GRAMD1B: variants seen among roughly 807,000 people sequenced by gnomAD.
The protein encoded by GRAMD1B is GRAM domain containing 1B, also known as protein Aster-B.
In GRAMD1B, 37 loss-of-function variants were observed where a neutral mutation model predicts 99.7. The observed-to-expected ratio is 0.37, with a 90% confidence interval of 0.29 to 0.49. GRAMD1B has a LOEUF of 0.49. GRAMD1B is among the 20% of genes least tolerant of loss of function. GRAMD1B has a pLI of 0.98. For missense variants in GRAMD1B, 888 were observed against 1,009.2 expected, an observed-to-expected ratio of 0.88 and a Z score of 1.63; for synonymous variants, 427 against 387.6, an observed-to-expected ratio of 1.10 and a Z score of -1.19.
chr11:123,575,709 C>A (rs973403076), intron 2 of GRAMD1B, among the ~76,000 whole-genome samples: 5 of 152,128 alleles, frequency 3.3e-5, no homozygotes, highest in African/African-American at 1.2e-4. Flanking sequence ...CCACCAGCCC[C>A]ACGGCCTGGC....
chr11:123,578,106 A>G (rs1452567561), intron 3 of GRAMD1B, among the ~76,000 whole-genome samples: 1 of 152,070 alleles, frequency 6.6e-6, no homozygotes, highest in African/African-American at 2.4e-5. Context: ...CCCCCTGAGT[A>G]CCGGGGCCCT....
In GRAMD1B at chr11:123,462,891, T is replaced by TAAAA. The variant is rs1022451957; in HGVS notation, c.375-17907_375-17904dup. Reference sequence around the variant, plus strand: ...AAGAATTATCAATAAAAAAATAAATTAAAAAAAAAAAAAAAAAAAAAGAAA... The same window carrying TAAAA: ...AAGAATTATCAATAAAAAAATAAATTAAAAAAAAAAAAAAAAAAAAAAAAAGAAA... On this transcript the variant is annotated intron_variant, in intron 1 of 19. Transcript: ENST00000635736. Among the ~76,000 whole-genome samples, 109 of 111,370 alleles carry TAAAA rather than the reference T, an allele frequency of 9.8e-4. 2 individuals carry two copies. Among genetic ancestry groups the TAAAA allele is most frequent in the South Asian group, 7.3e-3 (29 of 3,964 alleles). 73.1% of individuals were successfully genotyped at this position (111,370 alleles called of 152,430 possible).
At chr11:123,498,195 G>A (rs1939511586) in intron 2 of GRAMD1B, among the ~76,000 whole-genome samples, 1 of 152,058 alleles carries the variant, frequency 6.6e-6, no homozygotes, top group South Asian at 2.1e-4. Context: ...AACTGGACCT[G>A]GGGACCCCAA....
chr11:123,538,262 C>T (rs1321548347), intron 2 of GRAMD1B, among the ~76,000 whole-genome samples: 1 of 152,138 alleles, frequency 6.6e-6, no homozygotes. Context: ...GTGGTTCTGT[C>T]TTTGCAGTGT....
chr11:123,411,248 C>T (rs947608183), intron 1 of GRAMD1B, among the ~76,000 whole-genome samples: 24 of 152,042 alleles, frequency 1.6e-4, no homozygotes, highest in African/African-American at 5.8e-4. Context: ...TCGTGATCCG[C>T]CCCCCTCAGC....
At chr11:123,534,335 A>G (rs545116400) in intron 2 of GRAMD1B, among the ~76,000 whole-genome samples, 2 of 152,332 alleles carry the variant, frequency 1.3e-5, no homozygotes, top group Admixed American at 6.5e-5. Context: ...AGAAGGAGAA[A>G]GAGGAGGGGT....
At chr11:123,573,705 A>G (rs1948410967) in intron 2 of GRAMD1B, among the ~76,000 whole-genome samples, 1 of 152,220 alleles carries the variant, frequency 6.6e-6, no homozygotes. Context: ...GGGGGGATTA[A>G]ACGAAATAAT....
intron 10 of GRAMD1B, 39 bp from the exon 11 acceptor site, chr11:123,606,570 A>G (rs1410979759): frequency 8.3e-6 from 13 of 1,559,362 alleles, no homozygotes; most frequent in Admixed American, 5.5e-5. Flanking sequence ...GATCCAGACC[A>G]GGTTTCCCTG....
chr11:123,375,601 A>T (rs1946667169), intron 1 of GRAMD1B, among the ~76,000 whole-genome samples: 1 of 152,258 alleles, frequency 6.6e-6, no homozygotes, highest in Non-Finnish European at 1.5e-5. Context: ...GATGCCAAGT[A>T]TGTGGAGCAT....
rs116059785 is a variant in GRAMD1B, at chr11:123,522,477, C to G, written c.452+41584C>G. Among the ~76,000 whole-genome samples the G allele has an allele frequency of 8.9e-3, 1,351 of 152,194 alleles. 17 individuals are homozygous for G. The highest frequency in any genetic ancestry group is 0.031 in the African/African-American group (1,273 of 41,514). ...GGGATTATAGGCGTGCCCTACCACGCGTGGCTAATTTTTGTATTTTTAATA... is the reference window on the plus strand; with the variant it reads ...GGGATTATAGGCGTGCCCTACCACGGGTGGCTAATTTTTGTATTTTTAATA... On this transcript the variant is annotated intron_variant, in intron 2 of 19. Transcript: ENST00000635736.
At chr11:123,522,632 C>T (rs963717488) in intron 2 of GRAMD1B, among the ~76,000 whole-genome samples, 4 of 151,992 alleles carry the variant, frequency 2.6e-5, no homozygotes, top group South Asian at 2.1e-4. Flanking sequence ...ATTTTCTTTA[C>T]GGACCACAAA....
At chr11:123,560,065 A>AC (rs5795378) in intron 2 of GRAMD1B, among the ~76,000 whole-genome samples, 18,824 of 132,672 alleles carry the variant, frequency 0.14, 1,778 homozygotes, top group African/African-American at 0.26. Context: ...AGAGGAAATA[A>AC]CCCCCCCCCC....
upstream of GRAMD1B, among the ~76,000 whole-genome samples, chr11:123,429,230 G>C (rs1434561499): frequency 6.6e-6 from 1 of 152,090 alleles, no homozygotes; most frequent in Non-Finnish European, 1.5e-5. The surrounding 1 kb of genome is among the most constrained non-coding windows in gnomAD (Gnocchi z 4.0). Flanking sequence ...ACTGACCCAA[G>C]AGACAAATGC....
chr11:123,613,762 A>G (rs1347071959), intron 16 of GRAMD1B, 104 bp downstream of exon 16: 10 of 750,982 alleles, frequency 1.3e-5, no homozygotes, highest in Admixed American at 1.3e-4. Context: ...CCTTGGCTAT[A>G]ATTTGTATAT....
At chr11:123,377,009 G>A (rs1057045724) in intron 1 of GRAMD1B, among the ~76,000 whole-genome samples, 1 of 152,134 alleles carries the variant, frequency 6.6e-6, no homozygotes, top group Non-Finnish European at 1.5e-5. Flanking sequence ...GTATTAATCA[G>A]CAGTATCCTT....
chr11:123,424,889 C>T (rs1948593804), intron 1 of GRAMD1B, among the ~76,000 whole-genome samples: 1 of 152,210 alleles, frequency 6.6e-6, no homozygotes, highest in Non-Finnish European at 1.5e-5. Flanking sequence ...GAGCTTTACA[C>T]AGTGTTCTAG....
chr11:123,380,056 T>A (rs1020846724), intron 1 of GRAMD1B, among the ~76,000 whole-genome samples: 3 of 152,258 alleles, frequency 2.0e-5, no homozygotes, highest in Non-Finnish European at 2.9e-5. Context: ...GAGTTATAGT[T>A]CTTTATATAT....
chr11:123,516,507 C>T (rs760618745), intron 2 of GRAMD1B, among the ~76,000 whole-genome samples: 1 of 152,160 alleles, frequency 6.6e-6, no homozygotes, highest in African/African-American at 2.4e-5. Flanking sequence ...TTTCTGGACA[C>T]CTCTCATGCA....
chr11:123,604,053 A>G (rs1952368325), intron 9 of GRAMD1B, among the ~76,000 whole-genome samples: 2 of 152,230 alleles, frequency 1.3e-5, no homozygotes, highest in Admixed American at 6.5e-5. Flanking sequence ...CATTGTTCCA[A>G]ACGGAGATGG....
Sources: gnomAD v4.1 joint callset for allele counts (sites outside exome capture counted in the v4.1 genomes callset) on GRCh38, gnomAD v4.1.1 for gene constraint, Gnocchi (gnomAD v3.1) non-coding constraint, MANE v1.5 for transcripts, NCBI Gene and HGNC (gene_info 2026-07-23, HGNC 2026-07-21) for gene names.